Variants in UBAP2 observed in about 807,000 individuals in gnomAD.
UBAP2 encodes ubiquitin associated protein 2.
A neutral mutation model predicts 139.6 loss-of-function variants in UBAP2; 75 were observed. The observed-to-expected ratio is 0.54, with a 90% CI of 0.45 to 0.65. The LOEUF (loss-of-function observed/expected upper bound fraction) is 0.65, where lower values mean the gene tolerates loss of function less well. UBAP2 is among the 30% of genes least tolerant of loss of function. The pLI is 0.00. For missense variants in UBAP2, 1,368 were observed against 1,369.6 expected, an observed-to-expected ratio of 1.00 and a Z score of 0.02; for synonymous variants, 526 against 526.2, an observed-to-expected ratio of 1.00 and a Z score of 0.01.
chr9:34,004,380 A>G (rs1822989000), intron 2 of UBAP2, among the ~76,000 whole-genome samples: 1 of 152,108 alleles, frequency 6.6e-6, no homozygotes, highest in South Asian at 2.1e-4. Context: ...GCTACCCCAG[A>G]GGCTAAGGTG....
At chr9:34,040,638 G>A (rs989116441) in intron 1 of UBAP2, among the ~76,000 whole-genome samples, 5 of 152,102 alleles carry the variant, frequency 3.3e-5, no homozygotes, top group Admixed American at 1.3e-4. Context: ...GCTATGTGGC[G>A]TTCATGAAAG....
chr9:33,987,329 T>C (rs192666169), intron 5 of UBAP2, among the ~76,000 whole-genome samples: 18 of 152,222 alleles, frequency 1.2e-4, no homozygotes, highest in Non-Finnish European at 2.1e-4. Context: ...GGAGAATTGC[T>C]TGGACCCAAC....
At chr9:33,971,828 T>A (rs937305758) in intron 7 of UBAP2, 74 bp from the exon 8 acceptor site, 15 of 871,914 alleles carry the variant, frequency 1.7e-5, no homozygotes, top group Non-Finnish European at 2.7e-5. Flanking sequence ...CCATACATGA[T>A]CTTCCACCAA....
At chr9:33,980,871 T>C (rs1209775179) in intron 6 of UBAP2, among the ~76,000 whole-genome samples, 3 of 150,828 alleles carry the variant, frequency 2.0e-5, no homozygotes, top group Non-Finnish European at 4.4e-5. Flanking sequence ...GGCTTGAGCC[T>C]GGGAGGTGGA....
At chr9:33,978,243 T>G (rs1037782579) in intron 6 of UBAP2, among the ~76,000 whole-genome samples, 8 of 151,844 alleles carry the variant, frequency 5.3e-5, no homozygotes, top group Non-Finnish European at 7.4e-5. Flanking sequence ...GATTCGAAAT[T>G]TAAACGTAAG....
At chr9:34,045,239 G>C (rs141342981) in intron 1 of UBAP2, among the ~76,000 whole-genome samples, 3 of 151,206 alleles carry the variant, frequency 2.0e-5, no homozygotes, top group Non-Finnish European at 3.0e-5. Context: ...CCAGGTACTC[G>C]GGAGGCTGAG....
At chr9:33,999,853 C>CGTATGTATGTATGTAT (rs67444158) in intron 2 of UBAP2, among the ~76,000 whole-genome samples, 37 of 138,270 alleles carry the variant, frequency 2.7e-4, no homozygotes, top group African/African-American at 8.7e-4. Context: ...GGGATTACTA[C>CGTATGTATGTATGTAT]GTATGTATGT....
chr9:33,922,961 C>T lies in UBAP2; in HGVS notation c.3072+5G>A, dbSNP rs1321765454. On this transcript the variant is annotated splice_donor_5th_base_variant and intron_variant, in intron 27 of 28. Coordinates refer to ENST00000379238, the MANE Select transcript of UBAP2 (RefSeq NM_001370062.2). Reference sequence around the variant, plus strand: ...CTATACACCCAACCCACCTTTGTCCCTCACCTGTGTCTTATTGTAGACAGA... The same window carrying T: ...CTATACACCCAACCCACCTTTGTCCTTCACCTGTGTCTTATTGTAGACAGA... 1 of 1,614,050 alleles carries T rather than the reference C, an allele frequency of 6.2e-7. No individual in the cohort carries two copies. Among genetic ancestry groups the T allele is most frequent in the African/African-American group, 1.3e-5 (1 of 74,910 alleles).
At chr9:34,009,851 A>G (rs1372608515) in intron 2 of UBAP2, among the ~76,000 whole-genome samples, 1 of 142,952 alleles carries the variant, frequency 7.0e-6, no homozygotes, top group Non-Finnish European at 1.5e-5. Context: ...CTTGTTGTGC[A>G]GGCTGGAGTA....
At position 33,988,978 on chromosome 9, in the gene UBAP2, C is replaced by T. The variant is rs1369400717; in HGVS notation, c.437G>A (p.Arg146Lys). 1 of 1,611,900 alleles carries T rather than the reference C, an allele frequency of 6.2e-7. No homozygotes were observed. The highest frequency in any genetic ancestry group is 1.3e-5 in the African/African-American group (1 of 74,694). Reference protein sequence around the residue: ...NRKGRGGNRGREFRGEENGID... With the variant: ...NRKGRGGNRGKEFRGEENGID... The stretch of plus-strand genomic sequence containing the variant: ...AGGAGAAAGTCTGTACTTACATTCT[C>T]TGCCACGATTGCCGCCTCTTCCTTT... Residue 146 changes from arginine (R) to lysine (K), a missense_variant, in exon 5 of 29, where the codon AGA becomes AAA. By Grantham distance (26) the Arg-to-Lys change is conservative. Transcript: ENST00000379238.
chr9:34,000,663 A>G (rs1414258457), intron 2 of UBAP2, among the ~76,000 whole-genome samples: 1 of 152,230 alleles, frequency 6.6e-6, no homozygotes, highest in Non-Finnish European at 1.5e-5. Context: ...AGCCATAAGG[A>G]ACTAATAAAC....
At chr9:34,035,514 A>AAAAATATATATATATATATATAT in intron 1 of UBAP2, among the ~76,000 whole-genome samples, 3 of 22,474 alleles carry the variant, frequency 1.3e-4, no homozygotes, top group Non-Finnish European at 2.0e-4. Flanking sequence ...AAAAAAAAAA[A>AAAAATATATATATATATATATAT]ATATATATAT....
At chr9:34,010,889 C>G (rs1177007281) in intron 2 of UBAP2, among the ~76,000 whole-genome samples, 1 of 151,998 alleles carries the variant, frequency 6.6e-6, no homozygotes, top group Non-Finnish European at 1.5e-5. Flanking sequence ...GCAGATATGT[C>G]AGAGTAGAAG....
intron 2 of UBAP2, among the ~76,000 whole-genome samples, chr9:34,005,484 A>G (rs942361371): frequency 6.6e-6 from 1 of 151,722 alleles, no homozygotes; most frequent in African/African-American, 2.4e-5. Context: ...ACATATCTCT[A>G]AGTTTTTCTA....
chr9:33,941,140 T>C (rs1241816724), intron 16 of UBAP2, among the ~76,000 whole-genome samples: 2 of 152,192 alleles, frequency 1.3e-5, no homozygotes, highest in Non-Finnish European at 2.9e-5. Flanking sequence ...CAACTGGCAA[T>C]GACCATCAGA....
intron 11 of UBAP2, among the ~76,000 whole-genome samples, chr9:33,955,587 C>T (rs7865402): frequency 2.0e-5 from 3 of 151,688 alleles, no homozygotes; most frequent in Non-Finnish European, 1.5e-5. Context: ...CCAGCACTTT[C>T]GGAGGCTGAG....
intron 12 of UBAP2, among the ~76,000 whole-genome samples, chr9:33,950,533 A>C (rs546701059): frequency 1.3e-5 from 2 of 152,356 alleles, no homozygotes; most frequent in Non-Finnish European, 2.9e-5. Context: ...GGTTATGGAC[A>C]GCTGTGACAG....
chr9:33,978,673 G>A (rs921551331), intron 6 of UBAP2, among the ~76,000 whole-genome samples: 4 of 152,018 alleles, frequency 2.6e-5, no homozygotes, highest in Non-Finnish European at 4.4e-5. Context: ...CCAACTATTC[G>A]GGAGGCTGAG....
rs200946007 is a variant in UBAP2 at position 33,988,973 on chromosome 9, A to C, written c.442T>G (p.Phe148Val). The change falls in exon 5 of 29, where the codon TTT (phenylalanine) becomes GTT (valine). Residue 148 changes from phenylalanine to valine, a missense_variant and splice_region_variant. Transcript: ENST00000379238. ...KGRGGNRGRE[F>V]RGEENGIDCN... ...AACTGAGGAGAAAGTCTGTACTTACATTCTCTGCCACGATTGCCGCCTCTT... is the reference window on the plus strand; with the variant it reads ...AACTGAGGAGAAAGTCTGTACTTACCTTCTCTGCCACGATTGCCGCCTCTT... 1.9e-6 allele frequency: 3 copies of C among 1,610,538 alleles called. No homozygotes were observed. The East Asian group carries it at 6.7e-5, about 36-fold the overall frequency.
Sources: gnomAD v4.1 joint callset for allele counts (sites outside exome capture counted in the v4.1 genomes callset) on GRCh38, gnomAD v4.1.1 for gene constraint, MANE v1.5 for transcripts, NCBI Gene and HGNC (gene_info 2026-07-23, HGNC 2026-07-21) for gene names.